Variants in CHST8 observed in about 807,000 individuals in gnomAD.
CHST8 encodes GALNAC-4-ST1.
CHST8 carries 10 observed loss-of-function variants against 15.0 expected under a neutral mutation model. That is an observed-to-expected ratio of 0.67 (90% confidence interval 0.41 to 1.13). CHST8 has a LOEUF of 1.13. Ranked by LOEUF, CHST8 falls within the 50% of genes most tolerant of loss-of-function variation. The pLI, the probability that CHST8 is intolerant of heterozygous loss-of-function variation, is 0.00. For missense variants in CHST8, 634 were observed against 608.2 expected, an observed-to-expected ratio of 1.04 and a Z score of -0.45; for synonymous variants, 259 against 256.6, an observed-to-expected ratio of 1.01 and a Z score of -0.09.
intron 2 of CHST8, among the ~76,000 whole-genome samples, chr19:33,675,125 TC>T (rs1444648043): frequency 6.6e-6 from 1 of 152,128 alleles, no homozygotes; most frequent in East Asian, 1.9e-4. Context: ...TGTGTCCCCA[TC>T]CCTCTTGTCT....
intron 1 of CHST8, among the ~76,000 whole-genome samples, chr19:33,634,542 CCA>C (rs1210569678): frequency 1.3e-5 from 2 of 151,944 alleles, no homozygotes; most frequent in African/African-American, 4.8e-5. Context: ...GGGGAACTGG[CCA>C]CCTGCCCCAG....
In CHST8 at chr19:33,772,677, C is replaced by A. The variant is rs781678530; in HGVS notation, c.889C>A (p.Arg297=). Residue 297 remains arginine, a synonymous_variant, in exon 5 of 5, where the codon CGG becomes AGG. Transcript: ENST00000650847. ...GGCCCGGTACCGCGCCAATGCCTCT[C>A]GGGAGGCCCTGCGGACCGGCTCTGG... ...ILARYRANAS[R]EALRTGSGVR... is the part of the protein sequence containing the mutation. 1 of 1,613,674 alleles carries A rather than the reference C, an allele frequency of 6.2e-7. No individual in the cohort carries two copies. Among genetic ancestry groups the A allele is most frequent in the South Asian group, 1.1e-5 (1 of 91,084 alleles).
chr19:33,738,320 CAG>C (rs779604788), intron 3 of CHST8, among the ~76,000 whole-genome samples: 4 of 152,200 alleles, frequency 2.6e-5, no homozygotes, highest in East Asian at 3.9e-4. Flanking sequence ...ATTGCAGAAA[CAG>C]GGGGACTTTT....
intron 3 of CHST8, among the ~76,000 whole-genome samples, chr19:33,769,215 C>T (rs894395014): frequency 2.6e-5 from 4 of 152,308 alleles, no homozygotes; most frequent in African/African-American, 9.6e-5. Context: ...GGGCTGCAAC[C>T]TCAACAAGCA....
chr19:33,716,694 G>A (rs1973671712), intron 3 of CHST8, among the ~76,000 whole-genome samples: 1 of 152,154 alleles, frequency 6.6e-6, no homozygotes, highest in Non-Finnish European at 1.5e-5. Context: ...GGAAGGAGGG[G>A]GAAGAGCTTT....
At position 33,755,503 on chromosome 19, in the gene CHST8, T is replaced by C. The variant is rs1974528407; in HGVS notation, c.131-15910T>C. 3.3e-5 allele frequency among the ~76,000 whole-genome samples: 5 copies of C among 150,138 alleles called. No homozygotes were observed. The South Asian group carries it at 1.0e-3, about 31-fold the overall frequency. ...CACCTCTCACCCTGCTAGTGAATCA[T>C]TCATTCTAGAAAGAACGGCCCTCCA... On this transcript the variant is annotated intron_variant, in intron 3 of 4. Transcript: ENST00000650847.
chr19:33,639,277 A>G (rs1333855148), intron 1 of CHST8, among the ~76,000 whole-genome samples: 1 of 152,094 alleles, frequency 6.6e-6, no homozygotes, highest in Non-Finnish European at 1.5e-5. Flanking sequence ...ACAGCTATCT[A>G]ATGCAAACAC....
At chr19:33,749,061 C>G (rs1242716227) in intron 3 of CHST8, among the ~76,000 whole-genome samples, 2 of 152,060 alleles carry the variant, frequency 1.3e-5, no homozygotes, top group Non-Finnish European at 2.9e-5. Flanking sequence ...GCAAGGGGGG[C>G]CCCCAGCAGG....
chr19:33,745,564 C>T (rs528816901), intron 3 of CHST8, among the ~76,000 whole-genome samples: 1 of 152,214 alleles, frequency 6.6e-6, no homozygotes, highest in Non-Finnish European at 1.5e-5. Context: ...GGGAAAGAGA[C>T]TCTGAAGAAG....
intron 2 of CHST8, among the ~76,000 whole-genome samples, chr19:33,675,586 G>A (rs914904056): frequency 2.6e-5 from 4 of 152,232 alleles, no homozygotes; most frequent in African/African-American, 9.6e-5. Context: ...ACTGAACCAC[G>A]CAAGAGCTGG....
At chr19:33,695,131 C>T (rs937548627) in intron 3 of CHST8, among the ~76,000 whole-genome samples, 1 of 152,016 alleles carries the variant, frequency 6.6e-6, no homozygotes, top group Non-Finnish European at 1.5e-5. Context: ...ATTTTTTATA[C>T]AGACAGGATC....
chr19:33,638,156 A>G (rs1972230106), intron 1 of CHST8, among the ~76,000 whole-genome samples: 1 of 152,120 alleles, frequency 6.6e-6, no homozygotes, highest in South Asian at 2.1e-4. Flanking sequence ...GCTGGTCGGA[A>G]AGTGTTTAAC....
chr19:33,740,247 G>A (rs909924699), intron 3 of CHST8, among the ~76,000 whole-genome samples: 7 of 152,096 alleles, frequency 4.6e-5, no homozygotes, highest in African/African-American at 1.7e-4. Flanking sequence ...GTTTCTTTGT[G>A]GAAGTCCCCA....
At chr19:33,689,429 A>G (rs1233924267) in intron 3 of CHST8, 38 bp downstream of exon 3, 1 of 1,518,696 alleles carries the variant, frequency 6.6e-7, no homozygotes, top group South Asian at 1.3e-5. Context: ...CACTGCCCCC[A>G]GCTTTCCAGC....
At chr19:33,659,134 C>T (rs946233880) in intron 1 of CHST8, among the ~76,000 whole-genome samples, 12 of 128,222 alleles carry the variant, frequency 9.4e-5, no homozygotes, top group African/African-American at 3.3e-4. Context: ...GGCACAATCT[C>T]GGCTCACTGT....
chr19:33,678,245 C>T (rs73926583), intron 2 of CHST8, among the ~76,000 whole-genome samples: 3,050 of 152,240 alleles, frequency 0.02, 90 homozygotes, highest in African/African-American at 0.066. Flanking sequence ...AAGGGATGTT[C>T]CTGTCCCATG....
chr19:33,660,638 G>T (rs1467107013), intron 1 of CHST8, among the ~76,000 whole-genome samples: 1 of 152,120 alleles, frequency 6.6e-6, no homozygotes, highest in South Asian at 2.1e-4. Context: ...GGAAGTTGCC[G>T]CCCCTTTCAC....
At chr19:33,634,165 C>T (rs999178299) in intron 1 of CHST8, among the ~76,000 whole-genome samples, 3 of 152,152 alleles carry the variant, frequency 2.0e-5, no homozygotes, top group Non-Finnish European at 4.4e-5. Context: ...ATGTTTCCAC[C>T]TCCTCACCAG....
At chr19:33,771,533 C>T in intron 4 of CHST8, 83 bp downstream of exon 4, 1 of 1,315,626 alleles carries the variant, frequency 7.6e-7, no homozygotes, top group Non-Finnish European at 1.1e-6. Flanking sequence ...TAGGAGCTCA[C>T]ATTGGATCCA....
Sources: allele counts gnomAD v4.1 joint callset (sites outside exome capture counted in the v4.1 genomes callset), GRCh38; gene constraint gnomAD v4.1.1; transcripts MANE v1.5; gene names NCBI Gene and HGNC (gene_info 2026-07-23, HGNC 2026-07-21).